ANKHD1: variants seen among roughly 807,000 people sequenced by gnomAD.
The protein encoded by ANKHD1 is ankyrin repeat and KH domain containing 1, also known as ankyrin repeat and KH domain-containing protein 1.
ANKHD1 carries 31 observed loss-of-function variants against 230.5 expected under a neutral mutation model. That is an observed-to-expected ratio of 0.13 (90% CI 0.10 to 0.18). The LOEUF (loss-of-function observed/expected upper bound fraction) is 0.18. ANKHD1 is among the 10% of genes least tolerant of loss of function. The probability of loss-of-function intolerance (pLI) is 1.00; values close to 1 mark genes in which losing one functional copy is unlikely to be tolerated. For synonymous variants in ANKHD1, 1,074 were observed against 1,117.6 expected (o/e 0.96, Z 0.78); for missense variants, 2,256 against 3,071.3 (o/e 0.73, Z 6.27).
chr5:140,534,391 CAAAA>C (rs1208990002), intron 29 of ANKHD1, among the ~76,000 whole-genome samples: 1 of 84,624 alleles, frequency 1.2e-5, no homozygotes. Context: ...GACTCCGTCT[CAAAA>C]AAAAAAAAAA....
At chr5:140,471,341 G>A (rs1430018110) in intron 10 of ANKHD1, among the ~76,000 whole-genome samples, 2 of 152,086 alleles carry the variant, frequency 1.3e-5, no homozygotes, top group Non-Finnish European at 2.9e-5. Context: ...TGTTTTGTAG[G>A]AACTTCTTGA....
intron 15 of ANKHD1, among the ~76,000 whole-genome samples, chr5:140,500,665 A>AAAAAAAAAAG (rs748025095): frequency 4.3e-3 from 493 of 115,166 alleles, no homozygotes; most frequent in Non-Finnish European, 5.6e-3. Flanking sequence ...AAAAAAAAAA[A>AAAAAAAAAAG]AAAAGAAAAG....
intron 15 of ANKHD1, among the ~76,000 whole-genome samples, chr5:140,502,477 G>A (rs984282486): frequency 1.3e-5 from 2 of 152,112 alleles, no homozygotes; most frequent in Non-Finnish European, 2.9e-5. Flanking sequence ...TTCTGGCATA[G>A]CACTCTAATC....
chr5:140,496,462 T>A, intron 14 of ANKHD1, 58 bp from the exon 15 acceptor site: 2 of 217,188 alleles, frequency 9.2e-6, no homozygotes, highest in Non-Finnish European at 6.8e-6. Flanking sequence ...TTTTCTTTTC[T>A]TTTTTTTTTT....
At chr5:140,450,741 T>C (rs1774667653) in intron 7 of ANKHD1, among the ~76,000 whole-genome samples, 1 of 152,156 alleles carries the variant, frequency 6.6e-6, no homozygotes, top group Non-Finnish European at 1.5e-5. Context: ...CATCTCACTA[T>C]GTTGCCTAGG....
intron 5 of ANKHD1, among the ~76,000 whole-genome samples, chr5:140,442,008 T>C (rs1393777456): frequency 6.6e-6 from 1 of 151,476 alleles, no homozygotes; most frequent in Non-Finnish European, 1.5e-5. Flanking sequence ...TTGAGTTTGC[T>C]GAATACATTT....
chr5:140,512,310 G>A (rs960802248), intron 22 of ANKHD1, among the ~76,000 whole-genome samples: 11 of 151,828 alleles, frequency 7.2e-5, no homozygotes, highest in Admixed American at 2.0e-4. Context: ...CATTTAGAAA[G>A]TGTTTTATTT....
At chr5:140,532,531 G>A (rs1221222270) in intron 29 of ANKHD1, among the ~76,000 whole-genome samples, 2 of 152,044 alleles carry the variant, frequency 1.3e-5, no homozygotes, top group Non-Finnish European at 2.9e-5. Flanking sequence ...AACCTCCTGG[G>A]CTTCAAGCAA....
chr5:140,445,161 G>A (rs890618994), intron 5 of ANKHD1, among the ~76,000 whole-genome samples: 1 of 151,194 alleles, frequency 6.6e-6, no homozygotes, highest in African/African-American at 2.4e-5. Flanking sequence ...CACCTGGCCA[G>A]AAAATCTCTT....
Position 140,441,126 on chromosome 5 carries a change from C to T in ANKHD1, c.897C>T (p.Asn299=), listed in dbSNP as rs750355964. Residue 299 remains asparagine (N), a synonymous_variant, in exon 5 of 34, where the codon AAC becomes AAT. Transcript: ENST00000360839. ...TACTTCTTCATGATGCTGATGTCAA[C>T]TCCCAGTCTGCAACAGGTATGTAGA... The part of the protein sequence containing the change: ...KLLLLHDADV[N]SQSATGNTAL... The T allele has an allele frequency of 3.1e-6, 5 of 1,599,866 alleles. No homozygotes were observed. The Admixed American group carries it at 8.7e-5, about 28-fold the overall frequency.
At chr5:140,495,070 GC>G in intron 14 of ANKHD1, among the ~76,000 whole-genome samples, 1 of 152,042 alleles carries the variant, frequency 6.6e-6, no homozygotes, top group Non-Finnish European at 1.5e-5. Context: ...ACCTCAGGCA[GC>G]CACTACTGTC....
Position 140,464,740 on chromosome 5 carries a change from T to A in ANKHD1, c.1746T>A (p.Asp582Glu), listed in dbSNP as rs981057671. 4 of 1,608,210 alleles carry A rather than the reference T, an allele frequency of 2.5e-6. No homozygotes were observed. The Admixed American group carries it at 6.7e-5, about 27-fold the overall frequency. Residue 582 changes from aspartate (D) to glutamate (E), a missense_variant, in exon 10 of 34, where the codon GAT becomes GAA. Physicochemically the swap from Asp to Glu is conservative, Grantham distance 45. This residue lies in a region of ANKHD1 where 179 missense variants were observed against 261.8 expected (regional missense o/e 0.68). Coordinates refer to ENST00000360839, the MANE Select transcript of ANKHD1 (RefSeq NM_017747.3). Reference protein sequence around the residue: ...LTYACENGHTDVADVLLQAGA... With the variant: ...LTYACENGHTEVADVLLQAGA... ...ATGCTTGTGAAAATGGACATACGGATGTTGCAGATGTTTTACTTCAAGCAG... is the reference window on the plus strand; with the variant it reads ...ATGCTTGTGAAAATGGACATACGGAAGTTGCAGATGTTTTACTTCAAGCAG...
At chr5:140,513,235 G>T in intron 23 of ANKHD1, 128 bp from the exon 24 acceptor site, 2 of 915,944 alleles carry the variant, frequency 2.2e-6, no homozygotes, top group East Asian at 2.7e-5. Flanking sequence ...GGACTCAAAG[G>T]ATAACTTAAT....
intron 7 of ANKHD1, among the ~76,000 whole-genome samples, chr5:140,456,311 AT>A (rs1210723055): frequency 1.3e-5 from 2 of 152,238 alleles, no homozygotes; most frequent in Non-Finnish European, 2.9e-5. Flanking sequence ...ATTCAATGCC[AT>A]CCCCATCAAG....
At chr5:140,427,930 C>T (rs534133355) in intron 1 of ANKHD1, among the ~76,000 whole-genome samples, 2 of 151,274 alleles carry the variant, frequency 1.3e-5, no homozygotes, top group Non-Finnish European at 3.0e-5. Flanking sequence ...GGGGCGGTTG[C>T]CAGGCAGAGG....
intron 1 of ANKHD1, among the ~76,000 whole-genome samples, chr5:140,425,861 A>G (rs550513053): frequency 1.7e-3 from 256 of 152,252 alleles, no homozygotes; most frequent in Non-Finnish European, 3.0e-3. Context: ...TTTTGCAAAA[A>G]GGAATTGTTA....
intron 5 of ANKHD1, 41 bp downstream of exon 5, chr5:140,441,183 C>T (rs1773820218): frequency 1.4e-6 from 2 of 1,478,544 alleles, no homozygotes; most frequent in Non-Finnish European, 1.8e-6. Context: ...AAAAAATTGA[C>T]ATAATTATTA....
chr5:140,489,639 C>G (rs1751681123), intron 14 of ANKHD1, among the ~76,000 whole-genome samples: 1 of 152,146 alleles, frequency 6.6e-6, no homozygotes, highest in South Asian at 2.1e-4. Flanking sequence ...AGTTTATACT[C>G]TAGTGAGTAA....
intron 1 of ANKHD1, among the ~76,000 whole-genome samples, chr5:140,434,860 A>G (rs984545706): frequency 2.0e-5 from 3 of 152,096 alleles, no homozygotes; most frequent in Non-Finnish European, 4.4e-5. Flanking sequence ...TTGCACACTA[A>G]TTTTTGTCTG....
Sources: allele counts gnomAD v4.1 joint callset (sites outside exome capture counted in the v4.1 genomes callset), GRCh38; gene constraint gnomAD v4.1.1; regional missense constraint gnomAD v4.1.1; transcripts MANE v1.5; gene names NCBI Gene and HGNC (gene_info 2026-07-23, HGNC 2026-07-21).